The following NCKAP5 variants were observed in gnomAD, a reference collection of about 807,000 sequenced individuals.
NCKAP5 encodes the protein nck-associated protein 5.
NCKAP5 carries 92 observed loss-of-function variants against 167.0 expected under a neutral mutation model. The ratio of observed to expected loss-of-function variants is 0.55; its 90% CI spans 0.47 to 0.66. The LOEUF is 0.66. Ranked by LOEUF, NCKAP5 falls within the 30% of genes least tolerant of loss-of-function variation. NCKAP5 has a pLI of 0.00. For synonymous variants in NCKAP5, 891 were observed against 877.4 expected (o/e 1.02, Z -0.27); for missense variants, 2,378 against 2,315.0 (o/e 1.03, Z -0.56).
chr2:133,398,504 G>A (rs1342040292), intron 3 of NCKAP5, among the ~76,000 whole-genome samples: 1 of 152,108 alleles, frequency 6.6e-6, no homozygotes, highest in Non-Finnish European at 1.5e-5. Flanking sequence ...TCTAAATCAT[G>A]TCAATACAAA....
intron 6 of NCKAP5, among the ~76,000 whole-genome samples, chr2:133,040,443 A>C (rs1390465746): frequency 2.0e-5 from 3 of 152,206 alleles, no homozygotes; most frequent in Non-Finnish European, 4.4e-5. Flanking sequence ...GGAATCAGAG[A>C]CATGGCATTA....
intron 3 of NCKAP5, among the ~76,000 whole-genome samples, chr2:133,464,101 C>T (rs1692377724): frequency 6.6e-6 from 1 of 152,192 alleles, no homozygotes; most frequent in Non-Finnish European, 1.5e-5. Flanking sequence ...CTGTACAAGA[C>T]TTCAGTTTGC....
the NCKAP5 span, among the ~76,000 whole-genome samples, chr2:133,650,075 A>G: frequency 2.0e-5 from 3 of 152,230 alleles, no homozygotes; most frequent in African/African-American, 7.2e-5. Context: ...CACTAACAGC[A>G]AACTGTGTGA....
chr2:133,390,606 C>A (rs567628403), intron 3 of NCKAP5, among the ~76,000 whole-genome samples: 1 of 152,330 alleles, frequency 6.6e-6, no homozygotes, highest in Admixed American at 6.5e-5. Context: ...ATCTCCCCAG[C>A]CAGGACTGCC....
At chr2:132,984,229 C>T (rs557316091) in intron 7 of NCKAP5, among the ~76,000 whole-genome samples, 1 of 152,276 alleles carries the variant, frequency 6.6e-6, no homozygotes, top group African/African-American at 2.4e-5. Context: ...AATGTTTAAC[C>T]ATACTAAGGC....
At chr2:133,370,656 A>C (rs989547312) in intron 3 of NCKAP5, among the ~76,000 whole-genome samples, 1 of 152,132 alleles carries the variant, frequency 6.6e-6, no homozygotes, top group African/African-American at 2.4e-5. Context: ...ATGTGTATGC[A>C]ATTTCAAGCA....
At chr2:133,502,336 C>G (rs1682593898) in intron 3 of NCKAP5, among the ~76,000 whole-genome samples, 2 of 152,172 alleles carry the variant, frequency 1.3e-5, no homozygotes, top group Admixed American at 1.3e-4. Context: ...CTTTTTTACT[C>G]TGTACCTCCA....
intron 3 of NCKAP5, among the ~76,000 whole-genome samples, chr2:133,330,055 T>C (rs1283217402): frequency 1.9e-5 from 2 of 103,120 alleles, no homozygotes; most frequent in African/African-American, 9.1e-5. Flanking sequence ...AGCAAGACCT[T>C]TTTTTTTTTT....
At chr2:133,421,619 C>A (rs1689485361) in intron 3 of NCKAP5, among the ~76,000 whole-genome samples, 1 of 152,170 alleles carries the variant, frequency 6.6e-6, no homozygotes, top group African/African-American at 2.4e-5. Context: ...ACAGGCACAG[C>A]CTGCGTTTAC....
the NCKAP5 span, among the ~76,000 whole-genome samples, chr2:133,581,866 G>T: frequency 6.6e-6 from 1 of 152,314 alleles, no homozygotes. Flanking sequence ...TCTAACGTTA[G>T]CTAGAAATAT....
chr2:133,044,170 ATGAATCTAAGGTTGTAAATATTCCT>A, intron 6 of NCKAP5, among the ~76,000 whole-genome samples: 1 of 152,336 alleles, frequency 6.6e-6, no homozygotes, highest in African/African-American at 2.4e-5. Context: ...GGATATTTTT[ATGAATCTAAGGTTGTAAATATTCCT>A]TAAGCAGAAT....
chr2:132,783,207 T>C lies in NCKAP5; in HGVS notation c.3604A>G (p.Thr1202Ala). ...DSKNPASMEI[T>A]AGERNVTLPD... ...AGGGTCACATTTCTTTCACCCGCTG[T>C]GATCTCCATGCTTGCTGGATTCTTG... The change falls in exon 14 of 20, where the codon ACA (threonine) becomes GCA (alanine). Residue 1202 changes from threonine to alanine, a missense_variant. By Grantham distance (58) the Thr-to-Ala change is moderately conservative. This residue lies in a region of NCKAP5 where 1,325 missense variants were observed against 1,274.5 expected (regional missense o/e 1.04). Transcript: ENST00000409261. 5 of 1,613,994 alleles carry C rather than the reference T, an allele frequency of 3.1e-6. No homozygotes were observed. Among genetic ancestry groups the C allele is most frequent in the Non-Finnish European group, 4.2e-6 (5 of 1,179,872 alleles).
At chr2:133,546,941 G>T (rs1024599500) in intron 2 of NCKAP5, among the ~76,000 whole-genome samples, 2 of 152,172 alleles carry the variant, frequency 1.3e-5, no homozygotes, top group South Asian at 4.1e-4. Context: ...GAAGACGGGT[G>T]ATTTCTGCAT....
At chr2:133,250,722 G>A (rs2150335759) in intron 4 of NCKAP5, among the ~76,000 whole-genome samples, 1 of 152,340 alleles carries the variant, frequency 6.6e-6, no homozygotes, top group South Asian at 2.1e-4. Context: ...AGGATCACTT[G>A]AGGCCAGGAG....
chr2:133,033,861 T>C (rs999939482), intron 6 of NCKAP5, among the ~76,000 whole-genome samples: 8 of 151,952 alleles, frequency 5.3e-5, no homozygotes, highest in African/African-American at 1.9e-4. Context: ...GAACCAGACC[T>C]ATGGGATCTA....
intron 6 of NCKAP5, among the ~76,000 whole-genome samples, chr2:133,056,141 T>G (rs2079791587): frequency 2.0e-5 from 3 of 152,160 alleles, no homozygotes. Context: ...TACCACTTTC[T>G]CGATGACCTG....
At chr2:132,912,919 C>T (rs995508808) in intron 8 of NCKAP5, among the ~76,000 whole-genome samples, 4 of 152,100 alleles carry the variant, frequency 2.6e-5, no homozygotes, top group Non-Finnish European at 5.9e-5. Context: ...TTTTCTATAT[C>T]AACAACTTCA....
intron 3 of NCKAP5, among the ~76,000 whole-genome samples, chr2:133,470,737 G>A (rs146008379): frequency 6.6e-6 from 1 of 152,248 alleles, no homozygotes; most frequent in African/African-American, 2.4e-5. Context: ...AAGCCTGTCG[G>A]AAAAGTACAG....
intron 3 of NCKAP5, among the ~76,000 whole-genome samples, chr2:133,488,160 T>C (rs1236159226): frequency 1.3e-5 from 2 of 152,242 alleles, no homozygotes; most frequent in Non-Finnish European, 2.9e-5. Context: ...GTGCTTAATA[T>C]ACATATTATC....
Sources: allele counts gnomAD v4.1 joint callset (sites outside exome capture counted in the v4.1 genomes callset), GRCh38; gene constraint gnomAD v4.1.1; regional missense constraint gnomAD v4.1.1; transcripts MANE v1.5; gene names NCBI Gene and HGNC (gene_info 2026-07-23, HGNC 2026-07-21).